Variants in TYW1 observed in about 807,000 individuals in gnomAD.
The protein encoded by TYW1 is S-adenosyl-L-methionine-dependent tRNA 4-demethylwyosine synthase TYW1.
A neutral mutation model predicts 96.2 loss-of-function variants in TYW1; 46 were observed. The observed-to-expected ratio is 0.48, with a 90% CI of 0.38 to 0.61. TYW1 has a LOEUF of 0.61. Ranked by LOEUF, TYW1 falls within the 20% of genes least tolerant of loss-of-function variation. The pLI, the probability that TYW1 is intolerant of heterozygous loss-of-function variation, is 0.00. For synonymous variants in TYW1, 274 were observed against 323.0 expected, an observed-to-expected ratio of 0.85 and a Z score of 1.63; for missense variants, 684 against 909.6, an observed-to-expected ratio of 0.75 and a Z score of 3.19.
chr7:67,073,939 G>A (rs1174024259), intron 10 of TYW1, among the ~76,000 whole-genome samples: 9 of 150,698 alleles, frequency 6.0e-5, no homozygotes, highest in East Asian at 3.9e-4. Context: ...AACATTAGCC[G>A]GGCGTGGTGG....
At chr7:67,205,299 C>A (rs772533963) in intron 15 of TYW1, among the ~76,000 whole-genome samples, 26 of 152,216 alleles carry the variant, frequency 1.7e-4, no homozygotes, top group Admixed American at 3.3e-4. Context: ...CTCCCGTCAG[C>A]CTCCTGTGAT....
intron 14 of TYW1, among the ~76,000 whole-genome samples, chr7:67,193,556 C>G (rs1263666423): frequency 2.0e-5 from 3 of 152,082 alleles, no homozygotes; most frequent in African/African-American, 4.8e-5. Context: ...GTCAGGAGTT[C>G]AAGACCAGCC....
intron 13 of TYW1, among the ~76,000 whole-genome samples, chr7:67,168,606 C>T (rs1387055554): frequency 1.3e-5 from 2 of 152,058 alleles, no homozygotes; most frequent in South Asian, 2.1e-4. Flanking sequence ...TGTAACTGCC[C>T]GTAATATTCA....
chr7:67,192,526 A>G lies in TYW1; in HGVS notation c.1810-2644A>G, dbSNP rs367585752. Among the ~76,000 whole-genome samples the G allele has an allele frequency of 4.1e-4, 63 of 152,352 alleles. No individual in the cohort carries two copies. In the South Asian group the frequency reaches 0.013, roughly 32 times the overall value. On this transcript the variant is annotated intron_variant, in intron 14 of 15. Transcript: ENST00000359626. ...TTGTTTGTGTAATCCACACATAAGC[A>G]GTATTTAAATTGAGGTAGAGTACAC...
At chr7:67,108,309 G>T (rs1797300620) in intron 12 of TYW1, among the ~76,000 whole-genome samples, 1 of 152,166 alleles carries the variant, frequency 6.6e-6, no homozygotes, top group Non-Finnish European at 1.5e-5. Context: ...AACAGTAGTA[G>T]ATTTTTAACT....
chr7:67,001,233 A>G (rs964534801), intron 3 of TYW1, among the ~76,000 whole-genome samples: 8 of 151,998 alleles, frequency 5.3e-5, no homozygotes, highest in African/African-American at 1.9e-4. Flanking sequence ...CTGTGTTTCG[A>G]GATTTATCAA....
intron 3 of TYW1, among the ~76,000 whole-genome samples, chr7:66,999,180 T>C (rs1267750907): frequency 4.6e-5 from 7 of 152,170 alleles, no homozygotes; most frequent in African/African-American, 4.8e-5. Flanking sequence ...TGGTGTCTGA[T>C]GGTCAGTGTC....
intron 12 of TYW1, among the ~76,000 whole-genome samples, chr7:67,109,187 T>C (rs1316155698): frequency 1.4e-5 from 2 of 141,454 alleles, no homozygotes; most frequent in East Asian, 4.2e-4. Flanking sequence ...GGCAGGAGAA[T>C]GGTGTGAACC....
chr7:67,045,492 A>G (rs1435872648), intron 7 of TYW1, among the ~76,000 whole-genome samples: 1 of 152,228 alleles, frequency 6.6e-6, no homozygotes, highest in Admixed American at 6.5e-5. Context: ...TCCTGGGTTT[A>G]CAGGCATGAG....
rs1026778669 is a variant in TYW1 at position 67,009,793 on chromosome 7, C to T, written c.375+109C>T. 596 of 1,012,964 alleles carry T rather than the reference C, an allele frequency of 5.9e-4. 1 individual carries two copies. Among genetic ancestry groups the T allele is most frequent in the Admixed American group, 1.6e-3 (52 of 33,372 alleles). 62.7% of individuals were successfully genotyped at this position (1,012,964 alleles called of 1,614,324 possible). A position where few individuals can be genotyped will look rare whatever the true frequency, so the allele number is the denominator to read the frequency against. On this transcript the variant is annotated intron_variant, in intron 4 of 15. Coordinates refer to ENST00000359626, the MANE Select transcript of TYW1 (RefSeq NM_018264.4). ...GAATCTTCAGAATAAATTTAATTTTCGTGCTAAGGGATTTCAGTTAGTTGA... is the reference window on the plus strand; with the variant it reads ...GAATCTTCAGAATAAATTTAATTTTTGTGCTAAGGGATTTCAGTTAGTTGA...
At chr7:67,137,047 T>G (rs1041618040) in intron 13 of TYW1, among the ~76,000 whole-genome samples, 2 of 108,990 alleles carry the variant, frequency 1.8e-5, no homozygotes, top group Non-Finnish European at 3.8e-5. Context: ...GGTCTCAAAC[T>G]TCTGATCCAC....
At position 67,139,727 on chromosome 7, in the gene TYW1, A is replaced by AGG. The variant is rs1226852695; in HGVS notation, c.1698+22110_1698+22111dup. On this transcript the variant is annotated intron_variant, in intron 13 of 15. Coordinates refer to ENST00000359626, the MANE Select transcript of TYW1 (RefSeq NM_018264.4). Reference sequence around the variant, plus strand: ...CTGCATATTACATACCTGTGTATACAGGTGTGTGTGTGTGTGTGTGTGTGT... The same window carrying AGG: ...CTGCATATTACATACCTGTGTATACAGGGGTGTGTGTGTGTGTGTGTGTGTGT... Among the ~76,000 whole-genome samples the AGG allele has an allele frequency of 8.3e-3, 880 of 105,612 alleles. 4 individuals carry two copies. The highest frequency in any genetic ancestry group is 0.029 in the African/African-American group (824 of 28,242). The allele number at this position is 105,612 out of a possible 152,430, so 69.3% of individuals were successfully genotyped here. A position where few individuals can be genotyped will look rare whatever the true frequency, so the allele number is the denominator to read the frequency against.
intron 11 of TYW1, among the ~76,000 whole-genome samples, chr7:67,089,792 C>T (rs7778432): frequency 0.1 from 15,947 of 152,164 alleles, 890 homozygotes; most frequent in Middle Eastern, 0.15. Flanking sequence ...CCTTTATTAG[C>T]GTTCCTTTTA....
At chr7:67,046,327 C>T (rs1268474859) in intron 7 of TYW1, among the ~76,000 whole-genome samples, 1 of 152,100 alleles carries the variant, frequency 6.6e-6, no homozygotes, top group Admixed American at 6.6e-5. Flanking sequence ...ACGCATTGGG[C>T]ACACTGGGTT....
intron 6 of TYW1, among the ~76,000 whole-genome samples, chr7:67,023,824 T>C (rs1278308244): frequency 6.6e-6 from 1 of 152,156 alleles, no homozygotes; most frequent in Non-Finnish European, 1.5e-5. Context: ...AACGTTTTAT[T>C]CTGCCTTATC....
chr7:67,148,676 C>T (rs914481100), intron 13 of TYW1, among the ~76,000 whole-genome samples: 3 of 151,956 alleles, frequency 2.0e-5, no homozygotes, highest in East Asian at 1.9e-4. Context: ...CGTTATCCGC[C>T]CACCTTGGCC....
At chr7:67,154,847 A>G (rs1798916098) in intron 13 of TYW1, among the ~76,000 whole-genome samples, 1 of 152,052 alleles carries the variant, frequency 6.6e-6, no homozygotes, top group South Asian at 2.1e-4. Flanking sequence ...GGTGTCCTGC[A>G]TGTCACATAG....
intron 14 of TYW1, among the ~76,000 whole-genome samples, chr7:67,188,709 A>G (rs1800106275): frequency 6.6e-6 from 1 of 152,200 alleles, no homozygotes; most frequent in Non-Finnish European, 1.5e-5. Flanking sequence ...AAGTCTCTCC[A>G]GGGCCTTACC....
chr7:67,099,451 G>A (rs1340161438), intron 12 of TYW1, among the ~76,000 whole-genome samples: 1 of 152,210 alleles, frequency 6.6e-6, no homozygotes, highest in Non-Finnish European at 1.5e-5. Context: ...CATTATATAA[G>A]TGTAGTTTAT....
Sources: gnomAD v4.1 joint callset for allele counts (sites outside exome capture counted in the v4.1 genomes callset) on GRCh38, gnomAD v4.1.1 for gene constraint, MANE v1.5 for transcripts, NCBI Gene and HGNC (gene_info 2026-07-23, HGNC 2026-07-21) for gene names.